Variants in VPS8 observed in about 807,000 individuals in gnomAD.
The protein encoded by VPS8 is vacuolar protein sorting-associated protein 8 homolog.
A neutral mutation model predicts 216.4 loss-of-function variants in VPS8; 129 were observed. The observed-to-expected ratio is 0.60, with a 90% confidence interval of 0.52 to 0.69. The LOEUF (loss-of-function observed/expected upper bound fraction) is 0.69. VPS8 is among the 30% of genes least tolerant of loss of function. VPS8 has a pLI of 0.00. For synonymous variants in VPS8, 571 were observed against 565.4 expected, an observed-to-expected ratio of 1.01 and a Z score of -0.14; for missense variants, 1,531 against 1,683.5, an observed-to-expected ratio of 0.91 and a Z score of 1.59.
chr3:184,849,072 T>A lies in VPS8; in HGVS notation c.543T>A (p.Asp181Glu). 6.2e-7 allele frequency: 1 copy of A among 1,612,986 alleles called. No individual in the cohort carries two copies. Among genetic ancestry groups the A allele is most frequent in the Non-Finnish European group, 8.5e-7 (1 of 1,179,188 alleles). ...SHGLALIFGK[D>E]QNQALRLCLG... ...GACTTTAAAAACTGCTTTCTTTAGA[T>A]CAGAATCAAGCTTTGCGACTCTGTC... Residue 181 changes from aspartate to glutamate, a missense_variant and splice_region_variant, in exon 9 of 48, where the codon GAT (aspartate) becomes GAA (glutamate). Asp to Glu is a conservative substitution (Grantham distance 45). Around this residue, in one of 3 missense-constraint regions of VPS8, gnomAD observed 14 missense variants for 32.9 expected, o/e 0.43. Coordinates refer to ENST00000625842, the MANE Select transcript of VPS8 (RefSeq NM_001009921.3).
intron 25 of VPS8, among the ~76,000 whole-genome samples, chr3:184,911,801 C>T (rs1736583608): frequency 6.6e-6 from 1 of 152,170 alleles, no homozygotes; most frequent in South Asian, 2.1e-4. Flanking sequence ...CCCCTCTTTC[C>T]TCAAGGAGTT....
intron 45 of VPS8, among the ~76,000 whole-genome samples, chr3:185,009,113 G>A (rs1577141569): frequency 6.6e-6 from 1 of 152,178 alleles, no homozygotes; most frequent in East Asian, 1.9e-4. Flanking sequence ...GACTTTTGAA[G>A]TTCTGTAAAT....
At chr3:184,911,163 T>G (rs1736455849) in intron 25 of VPS8, among the ~76,000 whole-genome samples, 1 of 152,204 alleles carries the variant, frequency 6.6e-6, no homozygotes. Context: ...TTGTAGAAAA[T>G]TAAGTACTGT....
At chr3:184,877,773 A>G (rs1293286108) in intron 21 of VPS8, among the ~76,000 whole-genome samples, 1 of 152,192 alleles carries the variant, frequency 6.6e-6, no homozygotes, top group Non-Finnish European at 1.5e-5. Context: ...ATGTGTTGTT[A>G]TGTAACTCAC....
At chr3:184,947,964 T>C (rs551283289) in intron 36 of VPS8, among the ~76,000 whole-genome samples, 1 of 152,268 alleles carries the variant, frequency 6.6e-6, no homozygotes, top group Admixed American at 6.5e-5. Flanking sequence ...TAGCCAGATA[T>C]TGGAGGAAAC....
chr3:184,924,286 G>C (rs750114816), intron 29 of VPS8, among the ~76,000 whole-genome samples: 4 of 152,188 alleles, frequency 2.6e-5, no homozygotes, highest in Admixed American at 6.5e-5. Flanking sequence ...TTGATGGACA[G>C]ATTTTTAGTA....
At chr3:184,987,460 T>A (rs1322560519) in intron 42 of VPS8, among the ~76,000 whole-genome samples, 1 of 152,088 alleles carries the variant, frequency 6.6e-6, no homozygotes, top group South Asian at 2.1e-4. Flanking sequence ...TCTTCCAGAA[T>A]GTCATATAGT....
intron 37 of VPS8, among the ~76,000 whole-genome samples, chr3:184,963,297 G>A (rs915672663): frequency 1.2e-4 from 18 of 152,062 alleles, no homozygotes; most frequent in African/African-American, 4.1e-4. Flanking sequence ...TCTCTGTAGT[G>A]TTGATTCTTC....
intron 39 of VPS8, among the ~76,000 whole-genome samples, chr3:184,966,917 T>C (rs1214145997): frequency 6.6e-6 from 1 of 152,208 alleles, no homozygotes; most frequent in Non-Finnish European, 1.5e-5. Flanking sequence ...GGCTTTGTGA[T>C]GTTAATTTTC....
intron 21 of VPS8, among the ~76,000 whole-genome samples, chr3:184,877,236 A>G (rs796079662): frequency 2.0e-5 from 3 of 152,286 alleles, no homozygotes; most frequent in Non-Finnish European, 2.9e-5. Flanking sequence ...CTAAAATACT[A>G]TGCACTGAAG....
At chr3:184,971,574 T>C in intron 39 of VPS8, 75 bp from the exon 40 acceptor site, 1 of 1,156,626 alleles carries the variant, frequency 8.6e-7, no homozygotes, top group South Asian at 1.5e-5. Flanking sequence ...GAAAAAGAAG[T>C]TTAACTTTTC....
At chr3:185,034,458 C>G (rs1030690093) in intron 46 of VPS8, among the ~76,000 whole-genome samples, 1 of 152,168 alleles carries the variant, frequency 6.6e-6, no homozygotes, top group African/African-American at 2.4e-5. Context: ...AATGTCTGTT[C>G]ATGACCTTTG....
chr3:184,935,299 C>T (rs1366436674), intron 34 of VPS8, among the ~76,000 whole-genome samples: 1 of 152,162 alleles, frequency 6.6e-6, no homozygotes, highest in Admixed American at 6.5e-5. Flanking sequence ...TGAATGGCTA[C>T]AGATCAGTAG....
At chr3:184,843,798 CT>C (rs1343022739) in intron 8 of VPS8, among the ~76,000 whole-genome samples, 2 of 152,184 alleles carry the variant, frequency 1.3e-5, no homozygotes, top group African/African-American at 4.8e-5. Flanking sequence ...AACAACAGCT[CT>C]TTCTTTTTCA....
intron 4 of VPS8, among the ~76,000 whole-genome samples, chr3:184,833,262 A>T (rs1421208598): frequency 9.2e-5 from 14 of 152,206 alleles, no homozygotes; most frequent in Non-Finnish European, 2.1e-4. Flanking sequence ...AAGGACTTCT[A>T]ACCCTAAATA....
chr3:185,024,614 A>G (rs1355375473), intron 46 of VPS8, among the ~76,000 whole-genome samples: 5 of 152,224 alleles, frequency 3.3e-5, no homozygotes, highest in African/African-American at 1.2e-4. Flanking sequence ...ATCAGTTTCT[A>G]GAATGTCCAT....
chr3:184,892,885 T>G (rs910744015), intron 22 of VPS8, among the ~76,000 whole-genome samples: 1 of 152,214 alleles, frequency 6.6e-6, no homozygotes, highest in Admixed American at 6.5e-5. Flanking sequence ...AACAACACAT[T>G]ACAGAGTACA....
At chr3:185,035,547 G>A (rs1242503072) in intron 46 of VPS8, among the ~76,000 whole-genome samples, 1 of 152,098 alleles carries the variant, frequency 6.6e-6, no homozygotes, top group African/African-American at 2.4e-5. Context: ...GTCTTTCAAT[G>A]AAATCCAACA....
chr3:184,871,207 A>ATG (rs1728283460), intron 21 of VPS8, among the ~76,000 whole-genome samples: 1 of 150,058 alleles, frequency 6.7e-6, no homozygotes, highest in Admixed American at 6.7e-5. Flanking sequence ...AATCACAAAT[A>ATG]TATATATATA....
Sources: gnomAD v4.1 joint callset for allele counts (sites outside exome capture counted in the v4.1 genomes callset) on GRCh38, gnomAD v4.1.1 for gene constraint, gnomAD v4.1.1 regional missense constraint, MANE v1.5 for transcripts, NCBI Gene and HGNC (gene_info 2026-07-23, HGNC 2026-07-21) for gene names.